TUBB1: variants seen among roughly 807,000 people sequenced by gnomAD.
TUBB1 encodes tubulin beta-1 chain.
In TUBB1, 28 loss-of-function variants were observed where a neutral mutation model predicts 22.6. That is an observed-to-expected ratio of 1.24 (90% confidence interval 0.92 to 1.70). The LOEUF (loss-of-function observed/expected upper bound fraction) is 1.70. TUBB1 is among the 40% of genes most tolerant of loss of function. TUBB1 has a pLI of 0.00. For synonymous variants in TUBB1, 226 were observed against 238.0 expected (o/e 0.95, Z 0.46); for missense variants, 577 against 605.5 (o/e 0.95, Z 0.49).
intron 1 of TUBB1, among the ~76,000 whole-genome samples, chr20:59,020,827 T>A (rs1306820366): frequency 2.0e-5 from 3 of 152,126 alleles, no homozygotes; most frequent in Non-Finnish European, 4.4e-5. Context: ...AGAACACAGA[T>A]GCCCGAACCC....
At position 59,023,521 on chromosome 20, in the gene TUBB1, G is replaced by A; in HGVS notation, c.198G>A (p.Val66=). 1 of 1,614,094 alleles carries A rather than the reference G, an allele frequency of 6.2e-7. No homozygotes were observed. The highest frequency in any genetic ancestry group is 8.5e-7 in the Non-Finnish European group (1 of 1,180,016). The change falls in exon 3 of 4, where the codon GTG becomes GTA. Residue 66 remains valine, a synonymous_variant. Transcript: ENST00000217133. ...GRKYVPRAVL[V]DLEPGTMDSI... The stretch of plus-strand genomic sequence containing the variant: ...AATATGTGCCCCGAGCAGTCTTGGT[G>A]GACCTAGAACCTGGGACGATGGACA...
rs948359024 is a variant in TUBB1, at chr20:59,024,897, C to T, written c.*114C>T. 7.5e-6 allele frequency: 7 copies of T among 937,694 alleles called. No individual in the cohort carries two copies. In the African/African-American group the frequency reaches 8.1e-5, roughly 11 times the overall value. The allele number at this position is 937,694 out of a possible 1,614,324, so 58.1% of individuals were successfully genotyped here. ...GCACTGCAGCACAGTGAATGATATGCACTCACCATTAGCTTCGACACAGGG... is the reference window on the plus strand; with the variant it reads ...GCACTGCAGCACAGTGAATGATATGTACTCACCATTAGCTTCGACACAGGG... On this transcript the variant is annotated 3_prime_UTR_variant, in exon 4 of 4. Transcript: ENST00000217133. The surrounding 1 kb of genome is among the most constrained non-coding windows in gnomAD (Gnocchi z 4.9).
chr20:59,022,355 A>G (rs1291034073), intron 1 of TUBB1, among the ~76,000 whole-genome samples: 2 of 151,562 alleles, frequency 1.3e-5, no homozygotes, highest in Non-Finnish European at 2.9e-5. Flanking sequence ...ACTTAAAATC[A>G]TGCACAGAGG....
At chr20:59,020,852 T>C (rs2091963701) in intron 1 of TUBB1, among the ~76,000 whole-genome samples, 1 of 152,106 alleles carries the variant, frequency 6.6e-6, no homozygotes, top group South Asian at 2.1e-4. Flanking sequence ...TCTCCAATCT[T>C]GATTTTAAGA....
At chr20:59,022,794 AAC>A in intron 1 of TUBB1, 49 bp from the exon 2 acceptor site, 1 of 1,554,586 alleles carries the variant, frequency 6.4e-7, no homozygotes, top group Non-Finnish European at 8.9e-7. Context: ...CTCTGTGGTT[AAC>A]ACAGCCTTTT....
chr20:59,018,989 G>C (rs2091956056), upstream of TUBB1, among the ~76,000 whole-genome samples: 3 of 152,202 alleles, frequency 2.0e-5, no homozygotes, highest in Non-Finnish European at 4.4e-5. Flanking sequence ...CCGGGACCTG[G>C]GACCTGCGAG....
chr20:59,023,107 C>T (rs969696940), intron 2 of TUBB1, among the ~76,000 whole-genome samples, 154 bp downstream of exon 2: 14 of 152,220 alleles, frequency 9.2e-5, no homozygotes, highest in Middle Eastern at 3.4e-3. Flanking sequence ...TGGTGGGTCC[C>T]CAAGCCCTGG....
intron 1 of TUBB1, among the ~76,000 whole-genome samples, chr20:59,022,044 A>G (rs1190208312): frequency 1.3e-5 from 2 of 152,234 alleles, no homozygotes; most frequent in East Asian, 3.9e-4. Context: ...AAAATAAAAA[A>G]AAGAAAGAAA....
At chr20:59,022,808 C>A (rs199813033) in intron 1 of TUBB1, 37 bp from the exon 2 acceptor site, 1 of 1,590,358 alleles carries the variant, frequency 6.3e-7, no homozygotes, top group South Asian at 1.1e-5. Flanking sequence ...CAGCCTTTTT[C>A]GGGGTCCGTT....
In TUBB1 at chr20:59,023,711, CTG is replaced by C. The variant is rs1320926068; in HGVS notation, c.285_286del (p.Ala97TrpfsTer28). 3.1e-6 allele frequency: 5 copies of C among 1,614,068 alleles called. No individual in the cohort carries two copies. Among genetic ancestry groups the C allele is most frequent in the East Asian group, 2.2e-5 (1 of 44,892 alleles). ...TTTCTCTTTTTGGCCACAGGTAACT[CTG>C]GGGCTGGCAACAACTGGGCCAAAGG... On this transcript the variant is annotated frameshift_variant, in exon 4 of 4. Transcript: ENST00000217133. LOFTEE classifies it high-confidence loss of function.
chr20:59,017,660 CA>C (rs2091950205), upstream of TUBB1, among the ~76,000 whole-genome samples: 1 of 152,154 alleles, frequency 6.6e-6, no homozygotes, highest in Non-Finnish European at 1.5e-5. Flanking sequence ...GGCTGGGCTC[CA>C]ATGCTTCAAC....
chr20:59,023,055 T>G, intron 2 of TUBB1, 102 bp downstream of exon 2: 2 of 1,130,266 alleles, frequency 1.8e-6, no homozygotes, highest in Non-Finnish European at 1.3e-6. Flanking sequence ...CAGTGATGTC[T>G]ATGCTCAGGG....
chr20:59,021,861 G>C (rs887418149), intron 1 of TUBB1, among the ~76,000 whole-genome samples: 3 of 152,184 alleles, frequency 2.0e-5, no homozygotes, highest in Non-Finnish European at 2.9e-5. Flanking sequence ...TGGGCATGGT[G>C]GTGGACGCCT....
upstream of TUBB1, among the ~76,000 whole-genome samples, chr20:59,016,537 A>T (rs1165971254): frequency 6.6e-6 from 1 of 152,126 alleles, no homozygotes; most frequent in Non-Finnish European, 1.5e-5. Flanking sequence ...TGATCTTCGG[A>T]GAAGTCTGGT....
chr20:59,024,837 G>T lies in TUBB1; in HGVS notation c.*54G>T. 1 of 1,546,226 alleles carries T rather than the reference G, an allele frequency of 6.5e-7. No homozygotes were observed. The stretch of plus-strand genomic sequence containing the variant: ...CTTACAGAACAGTTTCTCATTAGAT[G>T]AGTGTTTCTCCTGCAGCACTCCAAA... On this transcript the variant is annotated 3_prime_UTR_variant, in exon 4 of 4. Coordinates refer to ENST00000217133, the MANE Select transcript of TUBB1 (RefSeq NM_030773.4). The surrounding 1 kb of genome is among the most constrained non-coding windows in gnomAD (Gnocchi z 4.9).
chr20:59,022,338 G>A (rs1344103580), intron 1 of TUBB1, among the ~76,000 whole-genome samples: 7 of 146,066 alleles, frequency 4.8e-5, no homozygotes, highest in African/African-American at 1.5e-4. Flanking sequence ...AAAAAAAGGC[G>A]CTAATTACTT....
Position 59,023,932 on chromosome 20 carries a change from G to C in TUBB1, c.505G>C (p.Val169Leu), listed in dbSNP as rs764400206. 6.2e-7 allele frequency: 1 copy of C among 1,614,068 alleles called. No individual in the cohort carries two copies. The highest frequency in any genetic ancestry group is 2.2e-5 in the East Asian group (1 of 44,892). ...YPDRIMNSFS[V>L]MPSPKVSDTV... is the part of the protein sequence containing the mutation. ...GGACCGGATCATGAATTCCTTCAGC[G>C]TCATGCCTTCTCCCAAGGTGTCGGA... The change falls in exon 4 of 4, where the codon GTC (valine) becomes CTC (leucine). Residue 169 changes from valine to leucine, a missense_variant. Physicochemically the swap from Val to Leu is conservative, Grantham distance 32. Coordinates refer to ENST00000217133, the MANE Select transcript of TUBB1 (RefSeq NM_030773.4).
chr20:59,023,416 C>T, intron 2 of TUBB1, 74 bp from the exon 3 acceptor site: 1 of 1,426,912 alleles, frequency 7.0e-7, no homozygotes, highest in Non-Finnish European at 9.9e-7. Flanking sequence ...ACCAGTATCA[C>T]AAAGTTCTAT....
chr20:59,023,197 T>C (rs2091976544), intron 2 of TUBB1, among the ~76,000 whole-genome samples: 1 of 152,218 alleles, frequency 6.6e-6, no homozygotes, highest in African/African-American at 2.4e-5. Context: ...CACTTTCCTT[T>C]GTGGTTTCAC....
Sources: allele counts gnomAD v4.1 joint callset (sites outside exome capture counted in the v4.1 genomes callset), GRCh38; gene constraint gnomAD v4.1.1; non-coding constraint Gnocchi (gnomAD v3.1); transcripts MANE v1.5; gene names NCBI Gene and HGNC (gene_info 2026-07-23, HGNC 2026-07-21).